PCDH11X: variants seen among roughly 807,000 people sequenced by gnomAD.
PCDH11X encodes the protein protocadherin-11 X-linked.
PCDH11X carries 18 observed loss-of-function variants against 53.3 expected under a neutral mutation model. The observed-to-expected ratio is 0.34, with a 90% CI of 0.23 to 0.50. The LOEUF (loss-of-function observed/expected upper bound fraction) is 0.50. Among genes scored for constraint, PCDH11X ranks in the 20% least tolerant of loss-of-function variants. The pLI is 0.98. For synonymous variants in PCDH11X, 279 were observed against 393.3 expected, an observed-to-expected ratio of 0.71 and a Z score of 3.44; for missense variants, 570 against 1,032.4, an observed-to-expected ratio of 0.55 and a Z score of 6.14.
At chrX:92,169,787 T>C (rs1469809292) in intron 6 of PCDH11X, among the ~76,000 whole-genome samples, 2 of 110,737 alleles carry the variant, frequency 1.8e-5, no homozygotes, top group Non-Finnish European at 3.8e-5. Flanking sequence ...TATTTGTGCA[T>C]AACAAATACT....
intron 10 of PCDH11X, among the ~76,000 whole-genome samples, chrX:92,580,975 G>A (rs1923617231): frequency 9.1e-6 from 1 of 109,913 alleles, no homozygotes; most frequent in Admixed American, 9.7e-5. Flanking sequence ...AGAGAACCTG[G>A]ATACTTCAGT....
At chrX:92,199,574 T>C (rs958528524) in intron 6 of PCDH11X, among the ~76,000 whole-genome samples, 1 of 111,289 alleles carries the variant, frequency 9.0e-6, no homozygotes, top group African/African-American at 3.3e-5. Context: ...GCAAGTGTCA[T>C]TTCTCTCACT....
chrX:92,218,597 C>A (rs1307807829), intron 7 of PCDH11X, among the ~76,000 whole-genome samples: 5 of 111,058 alleles, frequency 4.5e-5, no homozygotes, highest in African/African-American at 1.6e-4. Flanking sequence ...GATGGATTCA[C>A]AGCCGAATTC....
intron 7 of PCDH11X, among the ~76,000 whole-genome samples, chrX:92,203,574 G>A (rs1168314879): frequency 8.9e-6 from 1 of 112,323 alleles, no homozygotes; most frequent in African/African-American, 3.2e-5. Context: ...TGCCTAGACA[G>A]AGCCAATTTA....
At chrX:92,168,706 A>G (rs1603097337) in intron 6 of PCDH11X, among the ~76,000 whole-genome samples, 1 of 111,976 alleles carries the variant, frequency 8.9e-6, no homozygotes, top group East Asian at 2.8e-4. Context: ...TGTACCATTG[A>G]AAGTTATTTT....
At chrX:91,919,596 C>A (rs1390240981) in intron 6 of PCDH11X, among the ~76,000 whole-genome samples, 1 of 110,761 alleles carries the variant, frequency 9.0e-6, no homozygotes, top group Non-Finnish European at 1.9e-5. Context: ...CACTCCACAG[C>A]CAGGACATAA....
At chrX:92,047,511 C>T (rs761621161) in intron 6 of PCDH11X, among the ~76,000 whole-genome samples, 6,203 of 100,338 alleles carry the variant, frequency 0.062, 244 homozygotes, top group Non-Finnish European at 0.096. Context: ...CTTTGCTTAG[C>T]TATATTTAAA....
At chrX:92,006,944 C>T (rs1433884580) in intron 6 of PCDH11X, among the ~76,000 whole-genome samples, 3 of 111,366 alleles carry the variant, frequency 2.7e-5, no homozygotes, top group Non-Finnish European at 5.7e-5. Flanking sequence ...CTCTTACATT[C>T]CCCCAAACAA....
At chrX:92,473,710 ATCAT>A (rs2073317032) in intron 10 of PCDH11X, among the ~76,000 whole-genome samples, 1 of 110,773 alleles carries the variant, frequency 9.0e-6, no homozygotes, top group Non-Finnish European at 1.9e-5. Flanking sequence ...TAACATACTG[ATCAT>A]TCAGCAGCAT....
intron 6 of PCDH11X, among the ~76,000 whole-genome samples, chrX:92,164,830 G>A (rs1046164420): frequency 1.6e-4 from 17 of 109,502 alleles, no homozygotes; most frequent in African/African-American, 4.3e-4. Flanking sequence ...TTCCTGCACT[G>A]TTCTTGTGAT....
At chrX:92,158,012 C>T (rs968596018) in intron 6 of PCDH11X, among the ~76,000 whole-genome samples, 3 of 110,570 alleles carry the variant, frequency 2.7e-5, no homozygotes, top group African/African-American at 9.9e-5. Flanking sequence ...TTCAGGAGTT[C>T]GAGACCAGCC....
At chrX:92,299,570 C>A (rs2068678812) in intron 8 of PCDH11X, among the ~76,000 whole-genome samples, 2 of 111,578 alleles carry the variant, frequency 1.8e-5, no homozygotes, top group African/African-American at 3.3e-5. Context: ...TTATCCATTT[C>A]TTTCAGGTTT....
intron 6 of PCDH11X, among the ~76,000 whole-genome samples, chrX:92,173,703 A>C (rs993257809): frequency 2.7e-5 from 3 of 110,389 alleles, no homozygotes; most frequent in African/African-American, 9.9e-5. Flanking sequence ...GGATGTAATG[A>C]GAAAGTCCAG....
intron 10 of PCDH11X, among the ~76,000 whole-genome samples, chrX:92,469,972 T>C (rs1475022470): frequency 9.2e-6 from 1 of 108,620 alleles, no homozygotes; most frequent in Non-Finnish European, 1.9e-5. Context: ...GGGGTTTGCA[T>C]TGAATCTGTA....
intron 8 of PCDH11X, among the ~76,000 whole-genome samples, chrX:92,360,600 T>G (rs1258166043): frequency 1.8e-5 from 2 of 110,702 alleles, no homozygotes; most frequent in Non-Finnish European, 3.8e-5. Context: ...GAAATGCATT[T>G]CTTCCCTTCA....
In PCDH11X at chrX:92,163,289, T is replaced by C. The variant is rs771951422; in HGVS notation, c.3034-38086T>C. On this transcript the variant is annotated intron_variant, in intron 6 of 10. Transcript: ENST00000682573. The stretch of plus-strand genomic sequence containing the variant: ...CCCCACAGAGAAAGCAAGCATGGCT[T>C]TTGCGCCTCCCCACCTGTCGATTCT... 4.4e-4 allele frequency among the ~76,000 whole-genome samples: 48 copies of C among 109,323 alleles called. 2 individuals carry two copies. Among genetic ancestry groups the C allele is most frequent in the African/African-American group, 1.5e-3 (45 of 30,015 alleles). The allele number at this position is 109,323 out of a possible 115,157, so 94.9% of individuals were successfully genotyped here.
At chrX:92,464,449 C>T (rs1051779605) in intron 9 of PCDH11X, among the ~76,000 whole-genome samples, 23 of 110,736 alleles carry the variant, frequency 2.1e-4, no homozygotes, top group Non-Finnish European at 2.8e-4. Flanking sequence ...ACTTCTCCTT[C>T]CTCCTGCCAT....
chrX:92,232,807 T>G (rs1007328908), intron 7 of PCDH11X, among the ~76,000 whole-genome samples: 14 of 111,707 alleles, frequency 1.3e-4, no homozygotes, highest in African/African-American at 3.2e-4. Context: ...AGCTCCGCCT[T>G]CTGCTTCACG....
At chrX:92,254,000 C>G (rs1222444507) in intron 7 of PCDH11X, among the ~76,000 whole-genome samples, 1 of 111,756 alleles carries the variant, frequency 8.9e-6, no homozygotes, top group African/African-American at 3.3e-5. Flanking sequence ...AAATTGGCAT[C>G]CTTGTTGTGT....
Sources: allele counts gnomAD v4.1 joint callset (sites outside exome capture counted in the v4.1 genomes callset), GRCh38; gene constraint gnomAD v4.1.1; transcripts MANE v1.5; gene names NCBI Gene and HGNC (gene_info 2026-07-23, HGNC 2026-07-21).